Variants in CNTRL observed in about 807,000 individuals in gnomAD.
CNTRL encodes the protein centriolin, also known as 110 kDa centrosomal protein.
In CNTRL, 233 loss-of-function variants were observed where a neutral mutation model predicts 303.7. That is an observed-to-expected ratio of 0.77 (90% confidence interval 0.69 to 0.86). The LOEUF is 0.86. CNTRL is among the 40% of genes least tolerant of loss of function. The probability of loss-of-function intolerance (pLI) is 0.00; values close to 1 mark genes in which losing one functional copy is unlikely to be tolerated. For synonymous variants in CNTRL, 900 were observed against 922.2 expected (o/e 0.98, Z 0.44); for missense variants, 2,524 against 2,650.6 (o/e 0.95, Z 1.05).
intron 14 of CNTRL, among the ~76,000 whole-genome samples, chr9:121,133,305 C>T (rs564856200): frequency 1.3e-5 from 2 of 152,230 alleles, no homozygotes; most frequent in Non-Finnish European, 2.9e-5. Flanking sequence ...CCGCCCAGTT[C>T]GAGCTTCCTG....
intron 12 of CNTRL, among the ~76,000 whole-genome samples, chr9:121,120,625 C>T (rs2050183654): frequency 6.6e-6 from 1 of 152,144 alleles, no homozygotes. Context: ...TCCTTTGCTT[C>T]CCCTTCCAGT....
rs1364742283 is a variant in CNTRL at position 121,115,149 on chromosome 9, G to T, written c.1404G>T (p.Leu468Phe). 1 of 1,610,770 alleles carries T rather than the reference G, an allele frequency of 6.2e-7. No homozygotes were observed. Among genetic ancestry groups the T allele is most frequent in the South Asian group, 1.1e-5 (1 of 90,528 alleles). Residue 468 changes from leucine to phenylalanine, a missense_variant, in exon 11 of 44, where the codon TTG (leucine) becomes TTT (phenylalanine). Transcript: ENST00000373855. ...DEIEKAEQQI[L>F]RATEEFKQLE... ...TAGAAAAGGCAGAACAACAAATTTT[G>T]AGAGCTACTGAAGAATTTAAACAAC...
intron 42 of CNTRL, 43 bp from the exon 43 acceptor site, chr9:121,174,975 C>T (rs377088167): frequency 1.9e-6 from 3 of 1,565,146 alleles, no homozygotes. Context: ...AGTTCTGGTA[C>T]ATTTCTTCTG....
At chr9:121,171,628 A>AT (rs767137739) in intron 40 of CNTRL, 80 bp downstream of exon 40, 8 of 1,437,182 alleles carry the variant, frequency 5.6e-6, no homozygotes, top group Non-Finnish European at 6.6e-6. Flanking sequence ...TGTTTTTAAT[A>AT]TCCCTTCTAT....
chr9:121,081,963 C>T (rs2048157825), intron 2 of CNTRL, among the ~76,000 whole-genome samples: 2 of 152,214 alleles, frequency 1.3e-5, no homozygotes. Context: ...CCAAAGCTGT[C>T]TGGGTGTCAC....
intron 36 of CNTRL, among the ~76,000 whole-genome samples, chr9:121,166,588 G>A (rs1405954831): frequency 6.6e-6 from 1 of 152,170 alleles, no homozygotes; most frequent in South Asian, 2.1e-4. Flanking sequence ...CCTCTATCTT[G>A]TCAGATATTG....
At chr9:121,106,170 C>A (rs967952106) in intron 7 of CNTRL, among the ~76,000 whole-genome samples, 3 of 151,916 alleles carry the variant, frequency 2.0e-5, no homozygotes, top group Non-Finnish European at 4.4e-5. Context: ...AAAACCCCAT[C>A]TCTACTAAAA....
chr9:121,097,609 A>G (rs574275308), intron 6 of CNTRL, among the ~76,000 whole-genome samples: 10 of 152,258 alleles, frequency 6.6e-5, no homozygotes, highest in East Asian at 1.9e-4. Context: ...CCCAAGCCCA[A>G]CCCCATGTTG....
At chr9:121,134,498 T>C (rs1167175742) in intron 14 of CNTRL, among the ~76,000 whole-genome samples, 2 of 152,136 alleles carry the variant, frequency 1.3e-5, no homozygotes, top group African/African-American at 4.8e-5. Flanking sequence ...GGTTTCACCA[T>C]GTTGGCCAGG....
intron 7 of CNTRL, among the ~76,000 whole-genome samples, chr9:121,106,596 G>A (rs968662238): frequency 4.6e-5 from 7 of 152,204 alleles, no homozygotes; most frequent in African/African-American, 1.4e-4. Context: ...AGGTGAGAGA[G>A]AAAATAGAAG....
intron 12 of CNTRL, chr9:121,122,017 C>A: frequency 1.4e-6 from 1 of 720,148 alleles, no homozygotes; most frequent in Non-Finnish European, 1.7e-6. Flanking sequence ...ATGTAAGTTC[C>A]TGTTTTTACA....
At chr9:121,122,012 A>G (rs992491844) in intron 12 of CNTRL, 1 of 794,866 alleles carries the variant, frequency 1.3e-6, no homozygotes, top group Non-Finnish European at 1.5e-6. Context: ...CAGAGATGTA[A>G]GTTCCTGTTT....
chr9:121,112,625 G>C, intron 9 of CNTRL, 47 bp downstream of exon 9: 1 of 1,588,846 alleles, frequency 6.3e-7, no homozygotes, highest in South Asian at 1.1e-5. Flanking sequence ...AGCCCACATG[G>C]GATGGAATGG....
rs981073399 is a variant in CNTRL at position 121,155,006 on chromosome 9, G to A, written c.4365+93G>A. The stretch of plus-strand genomic sequence containing the variant: ...ATTAGAAAGAGAATGTGTGTGATAA[G>A]AGGACAGTTGTCCAAGTCAGACAGC... On this transcript the variant is annotated intron_variant, in intron 27 of 43. Transcript: ENST00000373855. The A allele has an allele frequency of 5.3e-6, 6 of 1,125,090 alleles. No individual in the cohort carries two copies. In the East Asian group the frequency reaches 1.4e-4, roughly 27 times the overall value. The allele number at this position is 1,125,090 out of a possible 1,614,324, so 69.7% of individuals were successfully genotyped here. A position where few individuals can be genotyped will look rare whatever the true frequency, so the allele number is the denominator to read the frequency against.
At chr9:121,136,427 A>G (rs1034366850) in intron 15 of CNTRL, among the ~76,000 whole-genome samples, 1 of 152,040 alleles carries the variant, frequency 6.6e-6, no homozygotes, top group African/African-American at 2.4e-5. Flanking sequence ...TTCCTGCCTC[A>G]GCCTCCTGAG....
chr9:121,095,149 CAAAT>C (rs2048835614), intron 5 of CNTRL, 131 bp downstream of exon 5: 2 of 681,176 alleles, frequency 2.9e-6, no homozygotes, highest in South Asian at 2.3e-5. Context: ...ATTCATCAAT[CAAAT>C]GAATGTCTGT....
At chr9:121,093,339 T>C (rs1242136019) in intron 4 of CNTRL, among the ~76,000 whole-genome samples, 1 of 152,178 alleles carries the variant, frequency 6.6e-6, no homozygotes, top group Non-Finnish European at 1.5e-5. Flanking sequence ...AAATCTGCAA[T>C]GCTCCAAAAT....
chr9:121,083,779 A>G (rs1324380537), intron 2 of CNTRL, among the ~76,000 whole-genome samples: 1 of 152,230 alleles, frequency 6.6e-6, no homozygotes, highest in Non-Finnish European at 1.5e-5. Context: ...CACCAACATC[A>G]CTACAAACAT....
rs114265893 is a variant in CNTRL at position 121,141,014 on chromosome 9, A to G, written c.2483+228A>G. 9.9e-3 allele frequency among the ~76,000 whole-genome samples: 1,510 copies of G among 152,268 alleles called. 22 individuals carry two copies. Among genetic ancestry groups the G allele is most frequent in the African/African-American group, 0.035 (1,433 of 41,534 alleles). ...ATCTTTTTTTTGGTATTTAAGAGTA[A>G]TATTTGGTATTTAAGAGTTATTGTT... On this transcript the variant is annotated intron_variant, in intron 17 of 43. Coordinates refer to ENST00000373855, the MANE Select transcript of CNTRL (RefSeq NM_007018.6).
Sources: allele counts gnomAD v4.1 joint callset (sites outside exome capture counted in the v4.1 genomes callset), GRCh38; gene constraint gnomAD v4.1.1; transcripts MANE v1.5; gene names NCBI Gene and HGNC (gene_info 2026-07-23, HGNC 2026-07-21).